The following IMMP2L variants were observed in gnomAD, a reference collection of about 807,000 sequenced individuals.
IMMP2L encodes inner mitochondrial membrane peptidase subunit 2.
In IMMP2L, 18 loss-of-function variants were observed where a neutral mutation model predicts 19.3. That is an observed-to-expected ratio of 0.93 (90% CI 0.64 to 1.38). IMMP2L has a LOEUF of 1.38. IMMP2L is among the 40% of genes most tolerant of loss of function. The probability of loss-of-function intolerance (pLI) is 0.00; values close to 1 mark genes in which losing one functional copy is unlikely to be tolerated. For missense variants in IMMP2L, 233 were observed against 218.2 expected (o/e 1.07, Z -0.43); for synonymous variants, 76 against 73.0 (o/e 1.04, Z -0.21).
At chr7:110,926,636 T>C in intron 4 of IMMP2L, among the ~76,000 whole-genome samples, 1 of 152,190 alleles carries the variant, frequency 6.6e-6, no homozygotes, top group East Asian at 1.9e-4. Context: ...TTTTTGCTTA[T>C]ATTCTTTTTA....
chr7:111,299,520 A>G (rs1358116388), intron 3 of IMMP2L, among the ~76,000 whole-genome samples: 4 of 151,990 alleles, frequency 2.6e-5, no homozygotes, highest in Non-Finnish European at 4.4e-5. Context: ...AGCAAATACA[A>G]AACTATTATT....
intron 4 of IMMP2L, among the ~76,000 whole-genome samples, chr7:110,916,724 C>T: frequency 6.6e-6 from 1 of 152,172 alleles, no homozygotes; most frequent in Non-Finnish European, 1.5e-5. Flanking sequence ...TTATTATCAT[C>T]AACTTGCTAA....
At chr7:110,743,429 T>C (rs1797119314) in intron 5 of IMMP2L, among the ~76,000 whole-genome samples, 1 of 152,220 alleles carries the variant, frequency 6.6e-6, no homozygotes, top group African/African-American at 2.4e-5. Context: ...AAATAAGATG[T>C]GCTATTATTT....
chr7:110,931,662 A>G (rs1815501118), intron 4 of IMMP2L, among the ~76,000 whole-genome samples: 1 of 152,084 alleles, frequency 6.6e-6, no homozygotes, highest in South Asian at 2.1e-4. Context: ...GAACCCCCAC[A>G]CTGGTGCCAA....
At chr7:110,696,682 T>C (rs953987189) in intron 5 of IMMP2L, among the ~76,000 whole-genome samples, 4 of 152,062 alleles carry the variant, frequency 2.6e-5, no homozygotes, top group Non-Finnish European at 5.9e-5. Flanking sequence ...AACCTCAGCC[T>C]CCCAGAATGC....
chr7:111,497,751 CTGAT>C (rs895092753), intron 2 of IMMP2L, among the ~76,000 whole-genome samples: 7 of 151,952 alleles, frequency 4.6e-5, no homozygotes, highest in African/African-American at 1.7e-4. Flanking sequence ...TCCCATCTCT[CTGAT>C]TGTATTTCTT....
chr7:111,491,994 A>C (rs1316008469), intron 2 of IMMP2L, among the ~76,000 whole-genome samples: 1 of 151,444 alleles, frequency 6.6e-6, no homozygotes, highest in Non-Finnish European at 1.5e-5. Flanking sequence ...TTTTTTTTGA[A>C]GTTTGTGACC....
chr7:111,287,220 A>G (rs745966781), intron 3 of IMMP2L, among the ~76,000 whole-genome samples: 1 of 152,180 alleles, frequency 6.6e-6, no homozygotes, highest in Admixed American at 6.6e-5. Flanking sequence ...TTTTCTCTAC[A>G]TGGGAAGAAA....
At chr7:111,142,329 A>G (rs1802994728) in intron 3 of IMMP2L, among the ~76,000 whole-genome samples, 1 of 68,808 alleles carries the variant, frequency 1.5e-5, no homozygotes, top group African/African-American at 5.3e-5. Context: ...CTGTCTCAAA[A>G]AAAAAAAAAA....
chr7:111,388,639 A>T (rs560697227), intron 3 of IMMP2L, among the ~76,000 whole-genome samples: 57 of 152,184 alleles, frequency 3.7e-4, no homozygotes, highest in Non-Finnish European at 7.8e-4. Flanking sequence ...TCATGGCAGG[A>T]AGCGAAAAGT....
intron 3 of IMMP2L, among the ~76,000 whole-genome samples, chr7:111,047,331 G>T (rs1792503719): frequency 6.6e-6 from 1 of 151,956 alleles, no homozygotes; most frequent in South Asian, 2.1e-4. Context: ...GGGATTACAG[G>T]CAGGCATCAC....
chr7:111,505,833 G>A lies in IMMP2L; in HGVS notation c.135+15480C>T, dbSNP rs1168876768. ...TGGGGACTGTTGTGGGGTGGGGGGAGCGGGGAGGGATAGCATTAGGAGATA... is the reference window on the plus strand; with the variant it reads ...TGGGGACTGTTGTGGGGTGGGGGGAACGGGGAGGGATAGCATTAGGAGATA... On this transcript the variant is annotated intron_variant, in intron 2 of 5. Transcript: ENST00000405709. Among the ~76,000 whole-genome samples the A allele has an allele frequency of 4.6e-5, 7 of 152,004 alleles. No homozygotes were observed. The South Asian group carries it at 1.5e-3, about 32-fold the overall frequency.
At chr7:110,756,617 A>G (rs1798058480) in intron 5 of IMMP2L, among the ~76,000 whole-genome samples, 1 of 152,142 alleles carries the variant, frequency 6.6e-6, no homozygotes, top group African/African-American at 2.4e-5. Flanking sequence ...CATAAAGAAT[A>G]TTAGATAGGT....
At chr7:111,098,933 C>T (rs1266630255) in intron 3 of IMMP2L, among the ~76,000 whole-genome samples, 1 of 151,738 alleles carries the variant, frequency 6.6e-6, no homozygotes, top group African/African-American at 2.4e-5. Context: ...TTTCTAGTTT[C>T]ATATCATGCA....
At chr7:111,537,529 T>C (rs1847999418) in intron 1 of IMMP2L, among the ~76,000 whole-genome samples, 1 of 31,212 alleles carries the variant, frequency 3.2e-5, no homozygotes, top group Admixed American at 2.5e-4. Flanking sequence ...CACTTCCACT[T>C]TTTTTTTTTT....
At chr7:111,304,664 T>C (rs1822642490) in intron 3 of IMMP2L, among the ~76,000 whole-genome samples, 1 of 134,178 alleles carries the variant, frequency 7.5e-6, no homozygotes, top group African/African-American at 2.8e-5. Flanking sequence ...TACATACACA[T>C]ATATAATGTG....
At chr7:111,431,026 G>T (rs1836574677) in intron 3 of IMMP2L, among the ~76,000 whole-genome samples, 1 of 151,792 alleles carries the variant, frequency 6.6e-6, no homozygotes, top group Admixed American at 6.6e-5. Context: ...AGAATCGCTT[G>T]AACCTAGGAG....
At chr7:110,966,479 A>C (rs1819555526) in intron 3 of IMMP2L, among the ~76,000 whole-genome samples, 1 of 149,860 alleles carries the variant, frequency 6.7e-6, no homozygotes, top group Non-Finnish European at 1.5e-5. Context: ...TATAAAAAGC[A>C]ACACCTATCA....
chr7:111,154,066 A>C (rs117211654), intron 3 of IMMP2L, among the ~76,000 whole-genome samples: 2,554 of 152,200 alleles, frequency 0.017, 37 homozygotes, highest in Non-Finnish European at 0.029. Flanking sequence ...TTTTATGAAA[A>C]ATGAAAGGAT....
Sources: gnomAD v4.1 joint callset for allele counts (sites outside exome capture counted in the v4.1 genomes callset) on GRCh38, gnomAD v4.1.1 for gene constraint, MANE v1.5 for transcripts, NCBI Gene and HGNC (gene_info 2026-07-23, HGNC 2026-07-21) for gene names.